Variants in KCNN2 observed in about 807,000 individuals in gnomAD.
KCNN2 encodes potassium calcium-activated channel subfamily N member 2, also known as small conductance calcium-activated potassium channel protein 2.
KCNN2 carries 24 observed loss-of-function variants against 55.5 expected under a neutral mutation model. The ratio of observed to expected loss-of-function variants is 0.43; its 90% CI spans 0.31 to 0.61. The LOEUF is 0.61. Among genes scored for constraint, KCNN2 ranks in the 20% least tolerant of loss-of-function variants. The probability of loss-of-function intolerance (pLI) is 0.08; values close to 1 mark genes in which losing one functional copy is unlikely to be tolerated. For synonymous variants in KCNN2, 431 were observed against 336.1 expected, an observed-to-expected ratio of 1.28 and a Z score of -3.09; for missense variants, 754 against 853.6, an observed-to-expected ratio of 0.88 and a Z score of 1.45.
chr5:114,148,547 G>T (rs12110221), intron 1 of KCNN2, among the ~76,000 whole-genome samples: 4,692 of 152,164 alleles, frequency 0.031, 253 homozygotes, highest in African/African-American at 0.11. Context: ...CGTGGACTTG[G>T]GGGAGACAGG....
intron 2 of KCNN2, among the ~76,000 whole-genome samples, chr5:114,378,350 A>G (rs1758004840): frequency 6.6e-6 from 1 of 152,222 alleles, no homozygotes. Flanking sequence ...CCCCTGAGTT[A>G]GAGAAGTGGA....
chr5:114,070,750 A>C (rs1280932790), intron 1 of KCNN2, among the ~76,000 whole-genome samples: 1 of 152,234 alleles, frequency 6.6e-6, no homozygotes, highest in East Asian at 1.9e-4. Context: ...TACTACACAT[A>C]TGTGACACTG....
At chr5:114,093,804 C>T (rs1340181449) in intron 1 of KCNN2, among the ~76,000 whole-genome samples, 1 of 152,158 alleles carries the variant, frequency 6.6e-6, no homozygotes, top group Non-Finnish European at 1.5e-5. Context: ...TTACCTCCAC[C>T]TGGTCTCTCC....
intron 1 of KCNN2, among the ~76,000 whole-genome samples, chr5:114,154,652 A>G (rs1035125535): frequency 6.6e-6 from 1 of 152,148 alleles, no homozygotes; most frequent in Admixed American, 6.6e-5. Flanking sequence ...TGGGTCACCA[A>G]AACTTTCTAG....
At chr5:114,467,960 C>T (rs1761533787) in intron 4 of KCNN2, among the ~76,000 whole-genome samples, 1 of 152,116 alleles carries the variant, frequency 6.6e-6, no homozygotes, top group Non-Finnish European at 1.5e-5. Flanking sequence ...TTCCTTCTTT[C>T]TGACCCTAAA....
chr5:114,083,683 T>C (rs1561468117), intron 1 of KCNN2, among the ~76,000 whole-genome samples: 1 of 152,148 alleles, frequency 6.6e-6, no homozygotes, highest in East Asian at 1.9e-4. Flanking sequence ...CCAGTATTGA[T>C]ACATATTGTT....
intron 6 of KCNN2, among the ~76,000 whole-genome samples, chr5:114,489,488 TTC>T (rs1221196784): frequency 2.0e-5 from 3 of 152,120 alleles, no homozygotes. Context: ...TGTCAGATAT[TTC>T]TTATTCTGTT....
chr5:114,159,692 G>T (rs899724875), intron 1 of KCNN2, among the ~76,000 whole-genome samples: 7 of 152,212 alleles, frequency 4.6e-5, no homozygotes, highest in African/African-American at 1.7e-4. Context: ...CCTGTTATTG[G>T]TCTATTCAGA....
At chr5:114,369,691 C>G (rs182591294) in intron 2 of KCNN2, among the ~76,000 whole-genome samples, 1 of 152,052 alleles carries the variant, frequency 6.6e-6, no homozygotes, top group Non-Finnish European at 1.5e-5. Flanking sequence ...ACTGTAGTAA[C>G]GAAATCACTC....
intron 2 of KCNN2, among the ~76,000 whole-genome samples, chr5:114,365,185 C>T (rs1383437588): frequency 6.6e-6 from 1 of 152,094 alleles, no homozygotes. Context: ...TTCACGTTGC[C>T]TTTATACTTG....
At chr5:114,122,914 A>C (rs72797637) in intron 1 of KCNN2, among the ~76,000 whole-genome samples, 1 of 152,198 alleles carries the variant, frequency 6.6e-6, no homozygotes, top group Admixed American at 6.5e-5. Flanking sequence ...AGAACACGCT[A>C]TATTTTAAAA....
intron 1 of KCNN2, among the ~76,000 whole-genome samples, chr5:114,094,339 C>G (rs980766038): frequency 6.6e-6 from 1 of 152,152 alleles, no homozygotes; most frequent in Middle Eastern, 3.2e-3. Context: ...CATTTTAAAT[C>G]TGAAAATTGT....
chr5:114,412,150 C>G (rs1419789660), intron 3 of KCNN2, among the ~76,000 whole-genome samples: 2 of 152,180 alleles, frequency 1.3e-5, no homozygotes, highest in East Asian at 3.9e-4. Flanking sequence ...CCCACTTTCT[C>G]TGTATCCCTA....
At chr5:114,409,109 C>T (rs1170799190) in intron 3 of KCNN2, among the ~76,000 whole-genome samples, 1 of 152,092 alleles carries the variant, frequency 6.6e-6, no homozygotes, top group African/African-American at 2.4e-5. Flanking sequence ...TGACCTCAGG[C>T]CAAACATCTC....
At chr5:114,246,436 C>G (rs183736870) in intron 2 of KCNN2, among the ~76,000 whole-genome samples, 3 of 152,124 alleles carry the variant, frequency 2.0e-5, no homozygotes, top group African/African-American at 7.2e-5. Flanking sequence ...GAATACTTAT[C>G]TACCTATTAC....
At chr5:114,478,076 G>A (rs1762053859) in intron 5 of KCNN2, among the ~76,000 whole-genome samples, 6 of 152,044 alleles carry the variant, frequency 3.9e-5, no homozygotes, top group Admixed American at 3.9e-4. Context: ...TCATACACCT[G>A]ACCTAAAGGA....
chr5:114,267,379 A>G (rs2150006647), intron 2 of KCNN2, among the ~76,000 whole-genome samples: 1 of 152,002 alleles, frequency 6.6e-6, no homozygotes, highest in Non-Finnish European at 1.5e-5. Context: ...CCCATTCTTC[A>G]TTGCCTGGGA....
chr5:114,157,700 G>A (rs1471830437), intron 1 of KCNN2, among the ~76,000 whole-genome samples: 2 of 152,114 alleles, frequency 1.3e-5, no homozygotes, highest in South Asian at 2.1e-4. Context: ...TCACCATTCT[G>A]ACTGGTGTGA....
intron 2 of KCNN2, among the ~76,000 whole-genome samples, chr5:114,402,987 G>A (rs967412017): frequency 3.9e-5 from 6 of 152,208 alleles, no homozygotes; most frequent in Non-Finnish European, 1.5e-5. Flanking sequence ...AGTGAGGTGC[G>A]AGGAGCAAGT....
Sources: allele counts gnomAD v4.1 joint callset (sites outside exome capture counted in the v4.1 genomes callset), GRCh38; gene constraint gnomAD v4.1.1; transcripts MANE v1.5; gene names NCBI Gene and HGNC (gene_info 2026-07-23, HGNC 2026-07-21).